WWOX: variants seen among roughly 807,000 people sequenced by gnomAD.
The protein encoded by WWOX is WW domain-containing oxidoreductase.
A neutral mutation model predicts 46.2 loss-of-function variants in WWOX; 69 were observed. The ratio of observed to expected loss-of-function variants is 1.49; its 90% confidence interval spans 1.23 to 1.82. The LOEUF is 1.82. WWOX is among the 40% of genes most tolerant of loss of function. The pLI is 0.00. For synonymous variants in WWOX, 359 were observed against 202.6 expected (o/e 1.77, Z -6.56); for missense variants, 919 against 542.6 (o/e 1.69, Z -6.89).
At chr16:79,000,297 C>T (rs1309535902) in intron 8 of WWOX, among the ~76,000 whole-genome samples, 3 of 152,110 alleles carry the variant, frequency 2.0e-5, no homozygotes, top group Non-Finnish European at 4.4e-5. Context: ...GTAATGAGCC[C>T]CGAAGATGTC....
At chr16:78,558,217 G>T (rs575878886) in intron 8 of WWOX, among the ~76,000 whole-genome samples, 1 of 152,168 alleles carries the variant, frequency 6.6e-6, no homozygotes, top group South Asian at 2.1e-4. Context: ...TTGCCCTTCC[G>T]ATCCCTGGGT....
chr16:78,679,938 C>T (rs893364265), intron 8 of WWOX, among the ~76,000 whole-genome samples: 1 of 152,138 alleles, frequency 6.6e-6, no homozygotes, highest in Non-Finnish European at 1.5e-5. Flanking sequence ...TGCTTTTGTG[C>T]CTTGCAAATC....
intron 8 of WWOX, among the ~76,000 whole-genome samples, chr16:78,721,659 C>T (rs1341960294): frequency 1.3e-5 from 2 of 152,144 alleles, no homozygotes; most frequent in South Asian, 2.1e-4. Flanking sequence ...GCTGTGTGAC[C>T]TTAAAGAAAT....
intron 8 of WWOX, among the ~76,000 whole-genome samples, chr16:79,010,626 C>T (rs1020862216): frequency 1.5e-4 from 23 of 151,910 alleles, no homozygotes; most frequent in African/African-American, 4.8e-4. Context: ...TGAAACAAAT[C>T]AGGGAAGGAG....
chr16:78,675,329 T>G (rs1052105735), intron 8 of WWOX, among the ~76,000 whole-genome samples: 1 of 152,186 alleles, frequency 6.6e-6, no homozygotes, highest in African/African-American at 2.4e-5. Context: ...GTAAGATTAA[T>G]GTAAAGATTT....
Position 78,115,036 on chromosome 16 carries a change from T to A in WWOX, c.291T>A (p.Asn97Lys), listed in dbSNP as rs1393177494. 1.2e-6 allele frequency: 2 copies of A among 1,614,026 alleles called. No homozygotes were observed. Among genetic ancestry groups the A allele is most frequent in the Admixed American group, 3.3e-5 (2 of 59,990 alleles). The change falls in exon 4 of 9, where the codon AAT becomes AAA. Residue 97 changes from asparagine (N) to lysine (K), a missense_variant. Coordinates refer to ENST00000566780, the MANE Select transcript of WWOX (RefSeq NM_016373.4). ...DPRLAFTVDD[N>K]PTKPTTRQRY... ...GACTGGCGTTTACTGTGGATGATAATCCGACCAAGCCAACCACCCGGCAAA... is the reference window on the plus strand; with the variant it reads ...GACTGGCGTTTACTGTGGATGATAAACCGACCAAGCCAACCACCCGGCAAA...
intron 8 of WWOX, among the ~76,000 whole-genome samples, chr16:79,020,519 G>C (rs1022364165): frequency 2.0e-5 from 3 of 152,210 alleles, no homozygotes; most frequent in Non-Finnish European, 4.4e-5. Flanking sequence ...TCCAACCACA[G>C]TATGAAAAGA....
rs565192117 is a variant in WWOX, at chr16:78,117,348, G to A, written c.409+2194G>A. Among the ~76,000 whole-genome samples the A allele has an allele frequency of 1.6e-3, 249 of 152,192 alleles. 1 individual carries two copies. The highest frequency in any genetic ancestry group is 2.7e-3 in the Non-Finnish European group (183 of 67,988). On this transcript the variant is annotated intron_variant, in intron 4 of 8. Coordinates refer to ENST00000566780, the MANE Select transcript of WWOX (RefSeq NM_016373.4). ...GCTCTTTCCCCAGCTGTCACCTTCC[G>A]CAGGAATGGCCTTTAACACTGTCAC...
chr16:78,102,631 C>T (rs967111730), intron 1 of WWOX, among the ~76,000 whole-genome samples: 5 of 152,168 alleles, frequency 3.3e-5, no homozygotes, highest in Non-Finnish European at 7.3e-5. Flanking sequence ...ATGTCACTGC[C>T]CAAGAGACCT....
intron 8 of WWOX, among the ~76,000 whole-genome samples, chr16:78,777,679 C>A (rs1013419306): frequency 1.3e-5 from 2 of 152,130 alleles, no homozygotes; most frequent in Non-Finnish European, 2.9e-5. Flanking sequence ...GAGTTCCAAG[C>A]CTTTACCTAA....
At chr16:78,798,722 A>G (rs934026528) in intron 8 of WWOX, among the ~76,000 whole-genome samples, 16 of 152,136 alleles carry the variant, frequency 1.1e-4, no homozygotes, top group African/African-American at 3.9e-4. Flanking sequence ...GATGTACAGC[A>G]GAGTATAACA....
chr16:78,915,417 C>A (rs1408914816), intron 8 of WWOX, among the ~76,000 whole-genome samples: 2 of 152,142 alleles, frequency 1.3e-5, no homozygotes, highest in Non-Finnish European at 2.9e-5. Context: ...CTCTACAGGG[C>A]AATCATAAAT....
In WWOX at chr16:78,099,676, C is replaced by G. The variant is rs766131955; in HGVS notation, c.-103C>G. On this transcript the variant is annotated 5_prime_UTR_variant, in exon 1 of 9. Coordinates refer to ENST00000566780, the MANE Select transcript of WWOX (RefSeq NM_016373.4). The stretch of plus-strand genomic sequence containing the variant: ...GGCGCAGTGCGCAGGCGTGAGCGGT[C>G]GGGCCCCGACGCGCGCGGGTCTCGT... 2 of 1,406,774 alleles carry G rather than the reference C, an allele frequency of 1.4e-6. No homozygotes were observed. The highest frequency in any genetic ancestry group is 3.0e-5 in the South Asian group (2 of 66,220). 87.1% of individuals were successfully genotyped at this position (1,406,774 alleles called of 1,614,324 possible). A position where few individuals can be genotyped will look rare whatever the true frequency, so the allele number is the denominator to read the frequency against.
At chr16:78,417,065 A>G (rs766538013) in intron 6 of WWOX, among the ~76,000 whole-genome samples, 1 of 110,400 alleles carries the variant, frequency 9.1e-6, no homozygotes, top group Non-Finnish European at 1.6e-5. Context: ...GCTTCTTTAT[A>G]TTAGCTTTTT....
chr16:78,325,671 C>G (rs906886360), intron 5 of WWOX, among the ~76,000 whole-genome samples: 2 of 152,186 alleles, frequency 1.3e-5, no homozygotes, highest in Non-Finnish European at 2.9e-5. Flanking sequence ...ATTTATTTCT[C>G]CTTCTTGGAG....
intron 4 of WWOX, among the ~76,000 whole-genome samples, chr16:78,143,693 C>G (rs1214986254): frequency 6.7e-6 from 1 of 149,186 alleles, no homozygotes; most frequent in Non-Finnish European, 1.5e-5. Context: ...AAGGATTCCT[C>G]TAATAAGTTT....
In WWOX at chr16:78,944,404, A is replaced by C. The variant is rs895721018; in HGVS notation, c.1057-267204A>C. ...GTGCTCAAGACACGTTTGTTGCATC[A>C]GTTGAATGGAGTCAAATTATAAACA... On this transcript the variant is annotated intron_variant, in intron 8 of 8. Transcript: ENST00000566780. Among the ~76,000 whole-genome samples the C allele has an allele frequency of 5.3e-5, 8 of 152,212 alleles. No individual in the cohort carries two copies. In the East Asian group the frequency reaches 1.2e-3, roughly 22 times the overall value.
chr16:78,870,590 C>T (rs1411138561), intron 8 of WWOX, among the ~76,000 whole-genome samples: 1 of 151,912 alleles, frequency 6.6e-6, no homozygotes, highest in Non-Finnish European at 1.5e-5. Context: ...TCACCCCTAC[C>T]AATGTAATCA....
intron 8 of WWOX, among the ~76,000 whole-genome samples, chr16:78,513,603 C>T (rs552199467): frequency 1.3e-5 from 2 of 152,170 alleles, no homozygotes; most frequent in Admixed American, 1.3e-4. Context: ...AAATATTAGC[C>T]TGTCCTCCAA....
Sources: gnomAD v4.1 joint callset for allele counts (sites outside exome capture counted in the v4.1 genomes callset) on GRCh38, gnomAD v4.1.1 for gene constraint, MANE v1.5 for transcripts, NCBI Gene and HGNC (gene_info 2026-07-23, HGNC 2026-07-21) for gene names.